Variants in GLOD4 observed in about 807,000 individuals in gnomAD.
The protein encoded by GLOD4 is glyoxalase domain containing 4.
Under a neutral mutation model 39.1 loss-of-function variants are expected in GLOD4, and 44 were observed. That is an observed-to-expected ratio of 1.13 (90% CI 0.88 to 1.45). GLOD4 has a LOEUF of 1.45. GLOD4 is among the 40% of genes most tolerant of loss of function. The probability of loss-of-function intolerance (pLI) is 0.00; values close to 1 mark genes in which losing one functional copy is unlikely to be tolerated. For missense variants in GLOD4, 405 were observed against 366.4 expected, an observed-to-expected ratio of 1.11 and a Z score of -0.86; for synonymous variants, 145 against 135.0, an observed-to-expected ratio of 1.07 and a Z score of -0.52.
At chr17:771,659 G>A (rs1178797818) in intron 4 of GLOD4, among the ~76,000 whole-genome samples, 198 bp from the exon 5 acceptor site, 1 of 152,192 alleles carries the variant, frequency 6.6e-6, no homozygotes, top group Non-Finnish European at 1.5e-5. Flanking sequence ...CGTGAGCCTA[G>A]GAATTCAAGA....
chr17:771,890 G>A (rs761164542), intron 4 of GLOD4, among the ~76,000 whole-genome samples: 11 of 152,174 alleles, frequency 7.2e-5, no homozygotes, highest in East Asian at 3.9e-4. Context: ...GCGCACGCCT[G>A]TAATCCCAGC....
At chr17:776,197 C>T (rs1217885299) in intron 3 of GLOD4, among the ~76,000 whole-genome samples, 3 of 152,192 alleles carry the variant, frequency 2.0e-5, no homozygotes, top group South Asian at 4.1e-4. Flanking sequence ...AAAGATCTAG[C>T]CACAGAAATC....
At chr17:778,189 G>T in intron 2 of GLOD4, 1 of 186,014 alleles carries the variant, frequency 5.4e-6, no homozygotes, top group Non-Finnish European at 1.1e-5. Context: ...TTAGTTCCAT[G>T]AGCCACTGTA....
At chr17:770,365 T>C (rs557258383) in intron 6 of GLOD4, 56 bp downstream of exon 6, 2 of 913,478 alleles carry the variant, frequency 2.2e-6, no homozygotes, top group Admixed American at 1.7e-5. Context: ...ACAAAGTTCT[T>C]AGCTGGGTTG....
rs1293083470 is a variant in GLOD4, at chr17:770,085, G to T, written c.703C>A (p.Pro235Thr). 6.2e-7 allele frequency: 1 copy of T among 1,612,550 alleles called. No homozygotes were observed. Among genetic ancestry groups the T allele is most frequent in the Admixed American group, 1.7e-5 (1 of 59,998 alleles). The change falls in exon 7 of 9, where the codon CCA becomes ACA. Residue 235 changes from proline to threonine, a missense_variant. Physicochemically the swap from Pro to Thr is conservative, Grantham distance 38. Coordinates refer to ENST00000301329, the MANE Select transcript of GLOD4 (RefSeq NM_016080.4). ...ACCACCTGTACTGTTGCTTTCCCTG[G>T]GGTGTCCAGGCTCACCAGGGGAGTC... is the stretch of plus-strand genomic sequence containing the variant. The part of the protein sequence containing the change: ...ILTPLVSLDT[P>T]GKATVQVVIL...
chr17:774,420 T>C (rs1908539030), intron 4 of GLOD4, among the ~76,000 whole-genome samples: 1 of 152,244 alleles, frequency 6.6e-6, no homozygotes, highest in African/African-American at 2.4e-5. Context: ...TCGCCAGCAT[T>C]TTCCCCGTTT....
chr17:761,895 T>A (rs1905509819), intron 8 of GLOD4, among the ~76,000 whole-genome samples: 1 of 152,152 alleles, frequency 6.6e-6, no homozygotes, highest in Non-Finnish European at 1.5e-5. Context: ...GTATCTTAGC[T>A]AATATAACCA....
At chr17:779,058 T>TAATA (rs1909418837) in intron 1 of GLOD4, among the ~76,000 whole-genome samples, 1 of 152,098 alleles carries the variant, frequency 6.6e-6, no homozygotes, top group African/African-American at 2.4e-5. Context: ...CTCACGCCTA[T>TAATA]AATACCAGCA....
intron 8 of GLOD4, among the ~76,000 whole-genome samples, chr17:761,750 C>T (rs762384718): frequency 9.9e-5 from 15 of 152,168 alleles, no homozygotes; most frequent in South Asian, 2.1e-4. Flanking sequence ...GTGAGCCACC[C>T]GCCTTGGTCC....
chr17:766,666 G>C (rs942566452), intron 8 of GLOD4, among the ~76,000 whole-genome samples: 1 of 152,136 alleles, frequency 6.6e-6, no homozygotes, highest in Non-Finnish European at 1.5e-5. Flanking sequence ...TTAGGAGGAT[G>C]AGGTGGGTAG....
At chr17:772,343 G>C (rs1173728066) in intron 4 of GLOD4, among the ~76,000 whole-genome samples, 3 of 151,730 alleles carry the variant, frequency 2.0e-5, no homozygotes, top group Non-Finnish European at 4.4e-5. Flanking sequence ...AATAAGTTTA[G>C]AGAATGAAAC....
chr17:784,083 C>T (rs1910415321), upstream of GLOD4, among the ~76,000 whole-genome samples: 1 of 152,220 alleles, frequency 6.6e-6, no homozygotes, highest in South Asian at 2.1e-4. Flanking sequence ...TAGTCTGTTC[C>T]TTCATTTGGC....
intron 1 of GLOD4, among the ~76,000 whole-genome samples, chr17:781,523 C>T (rs1483237983): frequency 6.6e-6 from 1 of 152,192 alleles, no homozygotes; most frequent in Non-Finnish European, 1.5e-5. Flanking sequence ...ACCGTCTATA[C>T]ACTAAACCGC....
At position 782,197 on chromosome 17, in the gene GLOD4, G is replaced by A. The variant is rs1222623065; in HGVS notation, c.59C>T (p.Ala20Val). 6.2e-7 allele frequency: 1 copy of A among 1,612,592 alleles called. No individual in the cohort carries two copies. The highest frequency in any genetic ancestry group is 8.5e-7 in the Non-Finnish European group (1 of 1,179,242). ...VFKVGNRFQT[A>V]RFYRDVLGMK... is the part of the protein sequence containing the mutation. ...CCCCAGGACGTCCCGATAGAAACGC[G>A]CCGTCTGGAAGCGGTTTCCCACTTT... Residue 20 changes from alanine to valine, a missense_variant, in exon 1 of 9, where the codon GCG (alanine) becomes GTG (valine). Physicochemically the swap from Ala to Val is moderately conservative, Grantham distance 64. Transcript: ENST00000301329.
At chr17:770,263 A>G (rs1381463017) in intron 6 of GLOD4, 106 bp from the exon 7 acceptor site, 7 of 757,392 alleles carry the variant, frequency 9.2e-6, no homozygotes, top group Non-Finnish European at 2.3e-6. Context: ...CCAAGGCGCC[A>G]TTTGTTTGAA....
intron 3 of GLOD4, 48 bp downstream of exon 3, chr17:776,820 A>T (rs750814277): frequency 1.4e-6 from 2 of 1,472,560 alleles, no homozygotes; most frequent in Non-Finnish European, 1.9e-6. Flanking sequence ...ATTTACAACC[A>T]GCCACCTACC....
At chr17:781,497 G>A (rs986026795) in intron 1 of GLOD4, among the ~76,000 whole-genome samples, 1 of 152,164 alleles carries the variant, frequency 6.6e-6, no homozygotes, top group Non-Finnish European at 1.5e-5. Context: ...GACGAATTCA[G>A]ATCCCCGTCT....
chr17:772,851 C>T lies in GLOD4; in HGVS notation c.407-1390G>A, dbSNP rs375599679. 1.8e-3 allele frequency among the ~76,000 whole-genome samples: 280 copies of T among 152,068 alleles called. 3 individuals are homozygous for T. The highest frequency in any genetic ancestry group is 6.2e-3 in the African/African-American group (258 of 41,496). On this transcript the variant is annotated intron_variant, in intron 4 of 8. Coordinates refer to ENST00000301329, the MANE Select transcript of GLOD4 (RefSeq NM_016080.4). ...TCTACTAAAAATACAAAAAATTAGC[C>T]GGGCGTGCTGGCGGGCGCCTGTGGT...
intron 8 of GLOD4, among the ~76,000 whole-genome samples, chr17:768,821 C>G (rs1037325389): frequency 7.0e-6 from 1 of 143,172 alleles, no homozygotes; most frequent in African/African-American, 2.7e-5. Flanking sequence ...AAGAAGAAAT[C>G]TGGAGAGGAC....
Sources: gnomAD v4.1 joint callset for allele counts (sites outside exome capture counted in the v4.1 genomes callset) on GRCh38, gnomAD v4.1.1 for gene constraint, MANE v1.5 for transcripts, NCBI Gene and HGNC (gene_info 2026-07-23, HGNC 2026-07-21) for gene names.